The following FRMD4A variants were observed in gnomAD, a reference collection of about 807,000 sequenced individuals.
FRMD4A encodes FERM domain containing 4A.
FRMD4A carries 29 observed loss-of-function variants against 129.1 expected under a neutral mutation model. The ratio of observed to expected loss-of-function variants is 0.22; its 90% CI spans 0.17 to 0.31. The LOEUF is 0.31. Ranked by LOEUF, FRMD4A falls within the 10% of genes least tolerant of loss-of-function variation. FRMD4A has a pLI of 1.00. For synonymous variants in FRMD4A, 634 were observed against 571.6 expected, an observed-to-expected ratio of 1.11 and a Z score of -1.56; for missense variants, 1,272 against 1,375.8, an observed-to-expected ratio of 0.92 and a Z score of 1.19.
At position 14,185,571 on chromosome 10, in the gene FRMD4A, A is replaced by G. The variant is rs74657239; in HGVS notation, c.45+144487T>C. Among the ~76,000 whole-genome samples, 295 of 152,244 alleles carry G rather than the reference A, an allele frequency of 1.9e-3. 4 individuals are homozygous for G. The highest frequency in any genetic ancestry group is 2.1e-3 in the East Asian group (11 of 5,182). On this transcript the variant is annotated intron_variant, in intron 2 of 24. Coordinates refer to ENST00000357447, the MANE Select transcript of FRMD4A (RefSeq NM_018027.5). ...ATAAAGCAAGACTATTTAAAGGTTC[A>G]ATCTCGTCTTGTAAGAAAGAGAAAC... is the stretch of plus-strand genomic sequence containing the variant.
chr10:13,812,702 C>T (rs1177411147), intron 3 of FRMD4A, among the ~76,000 whole-genome samples: 1 of 152,194 alleles, frequency 6.6e-6, no homozygotes, highest in African/African-American at 2.4e-5. Context: ...CCTAGATGAC[C>T]ATCAATTCAC....
intron 2 of FRMD4A, among the ~76,000 whole-genome samples, chr10:14,319,367 T>TCTCTCTCTCTCTCTCTCA (rs112041665): frequency 3.4e-5 from 5 of 145,050 alleles, no homozygotes; most frequent in African/African-American, 1.1e-4. Context: ...TCTCTCTCTC[T>TCTCTCTCTCTCTCTCTCA]CACACACACA....
At chr10:14,077,617 G>T (rs748389837) in intron 2 of FRMD4A, among the ~76,000 whole-genome samples, 4 of 152,142 alleles carry the variant, frequency 2.6e-5, no homozygotes, top group South Asian at 2.1e-4. Flanking sequence ...GAGGTCACTC[G>T]TGTCAATGCT....
intron 23 of FRMD4A, chr10:13,654,107 C>G (rs570728882): frequency 8.5e-5 from 44 of 516,840 alleles, no homozygotes; most frequent in Middle Eastern, 4.9e-4. Context: ...TAATCCAAAC[C>G]GAAATGAAAT....
At chr10:13,982,605 G>C (rs925724229) in intron 2 of FRMD4A, among the ~76,000 whole-genome samples, 1 of 152,146 alleles carries the variant, frequency 6.6e-6, no homozygotes, top group Non-Finnish European at 1.5e-5. Context: ...GCTGCTCAGA[G>C]AGGCCAAGAA....
rs1167969592 is a variant in FRMD4A at position 14,224,118 on chromosome 10, A to G, written c.45+105940T>C. Among the ~76,000 whole-genome samples the G allele has an allele frequency of 5.3e-5, 8 of 152,336 alleles. No individual in the cohort carries two copies. In the South Asian group the frequency reaches 1.5e-3, roughly 28 times the overall value. ...GGGGCTGCTTTGCCCCATCTGATGG[A>G]AAGAACTAGCTCCTCTTTCAAATCC... On this transcript the variant is annotated intron_variant, in intron 2 of 24. Transcript: ENST00000357447.
chr10:13,681,177 C>T (rs185720191), intron 15 of FRMD4A, among the ~76,000 whole-genome samples: 127 of 152,282 alleles, frequency 8.3e-4, no homozygotes, highest in African/African-American at 2.8e-3. Context: ...TCCCCTTTTT[C>T]TCTACCTTCC....
At chr10:14,176,582 C>T (rs968102636) in intron 2 of FRMD4A, among the ~76,000 whole-genome samples, 12 of 140,250 alleles carry the variant, frequency 8.6e-5, no homozygotes, top group Non-Finnish European at 9.0e-5. Context: ...TCATGTGATT[C>T]TTCTGCCTCA....
intron 2 of FRMD4A, among the ~76,000 whole-genome samples, chr10:13,988,291 TGAAATTCTCATA>T (rs1180773679): frequency 6.6e-6 from 1 of 152,206 alleles, no homozygotes; most frequent in Non-Finnish European, 1.5e-5. Flanking sequence ...TTGGCAAATG[TGAAATTCTCATA>T]GTGGACTCTT....
chr10:14,190,652 C>T (rs145754189), intron 2 of FRMD4A, among the ~76,000 whole-genome samples: 2 of 152,322 alleles, frequency 1.3e-5, no homozygotes, highest in East Asian at 3.9e-4. Context: ...CCCCAAAGTG[C>T]TGGGATTACC....
At chr10:13,848,928 T>G (rs75549362) in intron 3 of FRMD4A, among the ~76,000 whole-genome samples, 1 of 152,216 alleles carries the variant, frequency 6.6e-6, no homozygotes, top group Admixed American at 6.5e-5. Context: ...TTATTACAAA[T>G]AGATTTACCA....
chr10:14,031,535 T>C (rs913273105), intron 2 of FRMD4A, among the ~76,000 whole-genome samples: 1 of 152,202 alleles, frequency 6.6e-6, no homozygotes, highest in East Asian at 1.9e-4. Context: ...CCCGAAGTGC[T>C]GGGATTTTAG....
chr10:13,760,420 G>A (rs1461609890), intron 8 of FRMD4A, among the ~76,000 whole-genome samples: 1 of 152,188 alleles, frequency 6.6e-6, no homozygotes, highest in Non-Finnish European at 1.5e-5. Flanking sequence ...TTGGGAGGCT[G>A]AGGCAGGAGG....
intron 3 of FRMD4A, among the ~76,000 whole-genome samples, chr10:13,818,151 C>T (rs896972877): frequency 6.6e-6 from 1 of 152,052 alleles, no homozygotes; most frequent in Non-Finnish European, 1.5e-5. Context: ...TATACTAAGA[C>T]ATTATTTATG....
intron 2 of FRMD4A, among the ~76,000 whole-genome samples, chr10:14,260,978 G>A (rs1213737696): frequency 6.6e-6 from 1 of 152,172 alleles, no homozygotes; most frequent in Non-Finnish European, 1.5e-5. Flanking sequence ...CTGGTAAAAT[G>A]AGTGTGTGGA....
chr10:14,231,083 T>C (rs1266149793), intron 2 of FRMD4A, among the ~76,000 whole-genome samples: 1 of 152,156 alleles, frequency 6.6e-6, no homozygotes, highest in South Asian at 2.1e-4. Context: ...TCAATGAACA[T>C]ATGAGTGCCT....
intron 2 of FRMD4A, among the ~76,000 whole-genome samples, chr10:14,294,439 C>A (rs1845945427): frequency 6.6e-6 from 1 of 152,158 alleles, no homozygotes; most frequent in Non-Finnish European, 1.5e-5. Context: ...GGCCATATGG[C>A]TTTGCAGTAA....
chr10:14,119,861 T>C (rs939470219), intron 2 of FRMD4A, among the ~76,000 whole-genome samples: 21 of 152,094 alleles, frequency 1.4e-4, no homozygotes, highest in African/African-American at 4.8e-4. Flanking sequence ...CTCTGTTAGG[T>C]AATGAGTTCT....
Position 13,858,884 on chromosome 10 carries a change from T to C in FRMD4A, c.74A>G (p.His25Arg). The C allele has an allele frequency of 6.2e-7, 1 of 1,606,858 alleles. No individual in the cohort carries two copies. Among genetic ancestry groups the C allele is most frequent in the Non-Finnish European group, 8.5e-7 (1 of 1,173,348 alleles). Residue 25 changes from histidine to arginine, a missense_variant, in exon 3 of 25, where the codon CAT (histidine) becomes CGT (arginine). His to Arg is a conservative substitution (Grantham distance 29). Transcript: ENST00000357447. ...MMTEGRRCQV[H>R]LLDDRKLELL... ...TTCCAGCTTCCTGTCATCAAGAAGA[T>C]GTACTTGACATCGGCGGCCCTCCGT...
Sources: allele counts gnomAD v4.1 joint callset (sites outside exome capture counted in the v4.1 genomes callset), GRCh38; gene constraint gnomAD v4.1.1; transcripts MANE v1.5; gene names NCBI Gene and HGNC (gene_info 2026-07-23, HGNC 2026-07-21).